Variants in DENND2A observed in about 807,000 individuals in gnomAD.
DENND2A encodes DENN domain-containing protein 2A.
A neutral mutation model predicts 105.3 loss-of-function variants in DENND2A; 53 were observed. That is an observed-to-expected ratio of 0.50 (90% confidence interval 0.40 to 0.63). The LOEUF (loss-of-function observed/expected upper bound fraction) is 0.63, where lower values mean the gene tolerates loss of function less well. Among genes scored for constraint, DENND2A ranks in the 30% least tolerant of loss-of-function variants. DENND2A has a pLI of 0.00. For missense variants in DENND2A, 1,138 were observed against 1,279.6 expected (o/e 0.89, Z 1.69); for synonymous variants, 522 against 508.4 (o/e 1.03, Z -0.36).
Position 140,601,935 on chromosome 7 carries a change from C to A in DENND2A, c.463G>T (p.Asp155Tyr), listed in dbSNP as rs913049832. The stretch of plus-strand genomic sequence containing the variant: ...ACCTGCTTCAGCACGGAGAGGGGAT[C>A]GTTCTGAAAGCGTAGCTTGCCAAGT... ...PRLGKLRFQN[D>Y]PLSVLKQVKK... The change falls in exon 3 of 20, where the codon GAT becomes TAT. Residue 155 changes from aspartate to tyrosine, a missense_variant. Transcript: ENST00000496613. 6.2e-7 allele frequency: 1 copy of A among 1,614,166 alleles called. No individual in the cohort carries two copies. The highest frequency in any genetic ancestry group is 8.5e-7 in the Non-Finnish European group (1 of 1,180,018).
rs370159867 is a variant in DENND2A at position 140,559,722 on chromosome 7, G to A, written c.1875C>T (p.Val625=). The change falls in exon 10 of 20, where the codon GTC becomes GTT. Residue 625 remains valine, a synonymous_variant. Transcript: ENST00000496613. This position sits in a 1 kb window ranked among gnomAD's most constrained non-coding sequence, Gnocchi z 4.1. The part of the protein sequence containing the change: ...CFPDAKDWVP[V]QQFTSETFSF... ...CCAGCTCGTACCTGGTGAACTGCTG[G>A]ACAGGAACCCAATCCTTGGCATCGG... 2 of 1,613,862 alleles carry A rather than the reference G, an allele frequency of 1.2e-6. No homozygotes were observed. The highest frequency in any genetic ancestry group is 2.7e-5 in the African/African-American group (2 of 74,932).
intron 9 of DENND2A, among the ~76,000 whole-genome samples, chr7:140,561,662 C>T (rs1343794667): frequency 6.8e-6 from 1 of 146,694 alleles, no homozygotes; most frequent in African/African-American, 2.5e-5. Flanking sequence ...CACCACCACA[C>T]CTAGCTATTT....
chr7:140,541,706 G>A (rs1351933152), intron 14 of DENND2A, among the ~76,000 whole-genome samples: 1 of 152,182 alleles, frequency 6.6e-6, no homozygotes, highest in African/African-American at 2.4e-5. Context: ...GCTCCTCAGC[G>A]CCCAGCACCA....
At chr7:140,548,296 T>TAAAAAAAAAAAAAAA (rs34963245) in intron 12 of DENND2A, among the ~76,000 whole-genome samples, 1 of 136,792 alleles carries the variant, frequency 7.3e-6, no homozygotes. Context: ...ACTAAAAAAC[T>TAAAAAAAAAAAAAAA]AAAAAAAAAA....
chr7:140,588,948 G>A (rs767642917), intron 3 of DENND2A, among the ~76,000 whole-genome samples: 2 of 151,838 alleles, frequency 1.3e-5, no homozygotes, highest in Admixed American at 6.6e-5. Flanking sequence ...TCACCATGTT[G>A]GCCAGGCTGG....
chr7:140,602,203 G>T lies in DENND2A; in HGVS notation c.195C>A (p.Ser65Arg). The change falls in exon 3 of 20, where the codon AGC (serine) becomes AGA (arginine). Residue 65 changes from serine to arginine, a missense_variant. By Grantham distance (110) the Ser-to-Arg change is moderately radical. Transcript: ENST00000496613. ...GKKEVPTPAP[S>R]RRADGQEDYL... is the part of the protein sequence containing the mutation. ...AATCCTCCTGTCCGTCTGCTCTCCT[G>T]CTGGGTGCAGGAGTGGGCACCTCTT... is the stretch of plus-strand genomic sequence containing the variant. 2 of 1,614,148 alleles carry T rather than the reference G, an allele frequency of 1.2e-6. No homozygotes were observed. The highest frequency in any genetic ancestry group is 1.7e-6 in the Non-Finnish European group (2 of 1,180,040).
chr7:140,583,255 G>A (rs1232730637), intron 5 of DENND2A, among the ~76,000 whole-genome samples: 1 of 151,858 alleles, frequency 6.6e-6, no homozygotes, highest in Non-Finnish European at 1.5e-5. Context: ...CTTGCAGTGA[G>A]CCGAGATCGG....
At chr7:140,620,124 A>C (rs544434448) in intron 1 of DENND2A, among the ~76,000 whole-genome samples, 1 of 151,964 alleles carries the variant, frequency 6.6e-6, no homozygotes, top group Admixed American at 6.6e-5. Context: ...TGAACCCAGG[A>C]GGCGGAGGTT....
rs1799519729 is a variant in DENND2A, at chr7:140,601,902, G to C, written c.496C>G (p.Leu166Val). 6.2e-7 allele frequency: 1 copy of C among 1,614,076 alleles called. No individual in the cohort carries two copies. Among genetic ancestry groups the C allele is most frequent in the Admixed American group, 1.7e-5 (1 of 59,996 alleles). Reference protein sequence around the residue: ...PLSVLKQVKKLEQALKDGSAG... With the variant: ...PLSVLKQVKKVEQALKDGSAG... ...GACCCATCCTTCAAAGCCTGCTCGA[G>C]TTTCTTGACCTGCTTCAGCACGGAG... The change falls in exon 3 of 20, where the codon CTC becomes GTC. Residue 166 changes from leucine (L) to valine (V), a missense_variant. Leu to Val is a conservative substitution (Grantham distance 32). Around this residue, in one of 2 missense-constraint regions of DENND2A, gnomAD observed 511 missense variants for 499.9 expected, o/e 1.02. Transcript: ENST00000496613.
chr7:140,535,044 C>T (rs768895583), intron 14 of DENND2A, among the ~76,000 whole-genome samples: 9 of 152,160 alleles, frequency 5.9e-5, no homozygotes, highest in Admixed American at 2.6e-4. Flanking sequence ...CTTTTTAGTT[C>T]TGGTTGCTAC....
chr7:140,528,760 C>CAAA (rs555432046), intron 14 of DENND2A, among the ~76,000 whole-genome samples: 4 of 100,298 alleles, frequency 4.0e-5, no homozygotes, highest in Non-Finnish European at 2.2e-5. Flanking sequence ...AACTCCATCT[C>CAAA]AAAAAAAAAA....
upstream of DENND2A, among the ~76,000 whole-genome samples, chr7:140,641,157 C>T (rs2130755298): frequency 6.6e-6 from 1 of 152,346 alleles, no homozygotes; most frequent in South Asian, 2.1e-4. Context: ...GCAGTTAACA[C>T]ACTCTCGGCA....
intron 9 of DENND2A, among the ~76,000 whole-genome samples, chr7:140,563,071 A>T (rs1797695376): frequency 6.6e-6 from 1 of 152,252 alleles, no homozygotes; most frequent in African/African-American, 2.4e-5. Flanking sequence ...AATGACTTAA[A>T]TTATAAAGAA....
intron 10 of DENND2A, among the ~76,000 whole-genome samples, 198 bp from the exon 11 acceptor site, chr7:140,558,410 A>T (rs947626989): frequency 6.6e-6 from 1 of 152,172 alleles, no homozygotes; most frequent in African/African-American, 2.4e-5. Context: ...TGTCAGTGAG[A>T]CTGGGCTGGG....
intron 14 of DENND2A, among the ~76,000 whole-genome samples, chr7:140,535,546 C>T (rs1796425460): frequency 6.6e-6 from 1 of 151,810 alleles, no homozygotes; most frequent in African/African-American, 2.4e-5. Context: ...ATCGCTAGAT[C>T]GTTGCTGATG....
chr7:140,621,807 T>C (rs1800304104), intron 1 of DENND2A, among the ~76,000 whole-genome samples: 1 of 152,150 alleles, frequency 6.6e-6, no homozygotes. Flanking sequence ...TGAATGCCAC[T>C]TGTGGAAGAG....
chr7:140,637,176 G>T (rs1414249545), intron 1 of DENND2A, among the ~76,000 whole-genome samples: 19 of 140,210 alleles, frequency 1.4e-4, no homozygotes, highest in Non-Finnish European at 2.4e-4. Flanking sequence ...TATAGAGATG[G>T]GGTCTCGCCA....
At chr7:140,598,151 T>TC (rs1196914739) in intron 3 of DENND2A, among the ~76,000 whole-genome samples, 1 of 152,170 alleles carries the variant, frequency 6.6e-6, no homozygotes, top group Non-Finnish European at 1.5e-5. Context: ...TGGGAATTCA[T>TC]CCCCCACATT....
intron 2 of DENND2A, among the ~76,000 whole-genome samples, chr7:140,602,802 C>A (rs549459485): frequency 2.0e-5 from 3 of 151,768 alleles, no homozygotes; most frequent in African/African-American, 7.3e-5. Context: ...ACAAGACCCC[C>A]ATCTCTACAA....
Sources: allele counts gnomAD v4.1 joint callset (sites outside exome capture counted in the v4.1 genomes callset), GRCh38; gene constraint gnomAD v4.1.1; regional missense constraint gnomAD v4.1.1; non-coding constraint Gnocchi (gnomAD v3.1); transcripts MANE v1.5; gene names NCBI Gene and HGNC (gene_info 2026-07-23, HGNC 2026-07-21).